Variants in COL4A1 observed in about 807,000 individuals in gnomAD.
COL4A1 encodes collagen alpha-1(IV) chain.
Under a neutral mutation model 216.6 loss-of-function variants are expected in COL4A1, and 40 were observed. The ratio of observed to expected loss-of-function variants is 0.18; its 90% CI spans 0.14 to 0.24. COL4A1 has a LOEUF of 0.24. Among genes scored for constraint, COL4A1 ranks in the 10% least tolerant of loss-of-function variants. The pLI is 1.00. For missense variants in COL4A1, 1,628 were observed against 2,196.8 expected, an observed-to-expected ratio of 0.74 and a Z score of 5.18; for synonymous variants, 839 against 810.7, an observed-to-expected ratio of 1.03 and a Z score of -0.59.
chr13:110,244,411 A>G (rs1043084058), intron 1 of COL4A1, among the ~76,000 whole-genome samples: 1 of 152,214 alleles, frequency 6.6e-6, no homozygotes, highest in East Asian at 1.9e-4. Flanking sequence ...CTACACTCTC[A>G]TAACCTCCTA....
At chr13:110,231,455 A>G (rs892979030) in intron 2 of COL4A1, among the ~76,000 whole-genome samples, 4 of 152,218 alleles carry the variant, frequency 2.6e-5, no homozygotes, top group Non-Finnish European at 1.5e-5. Flanking sequence ...GGGCCTGCGA[A>G]TGACCGTTCG....
chr13:110,191,652 G>A (rs1212741626), intron 24 of COL4A1: 4 of 687,670 alleles, frequency 5.8e-6, no homozygotes, highest in Non-Finnish European at 1.1e-5. Context: ...AAAAGCAACT[G>A]CACAATAGAT....
At position 110,176,404 on chromosome 13, in the gene COL4A1, C is replaced by G. The variant is rs1292994425; in HGVS notation, c.3058+20G>C. Reference sequence around the variant, plus strand: ...TCACACGCACACATGCTAAAGAATCCTCTTCTAAATCCAGTTTACCTGGCA... The same window carrying G: ...TCACACGCACACATGCTAAAGAATCGTCTTCTAAATCCAGTTTACCTGGCA... On this transcript the variant is annotated intron_variant, in intron 36 of 51. Transcript: ENST00000375820. 1 of 1,555,882 alleles carries G rather than the reference C, an allele frequency of 6.4e-7. No individual in the cohort carries two copies. Among genetic ancestry groups the G allele is most frequent in the Admixed American group, 1.7e-5 (1 of 59,956 alleles).
At chr13:110,242,827 T>C (rs989994376) in intron 1 of COL4A1, 93 bp from the exon 2 acceptor site, 4 of 1,372,210 alleles carry the variant, frequency 2.9e-6, no homozygotes, top group Non-Finnish European at 3.1e-6. Context: ...TTGACTTGTT[T>C]ATGAGCGAAG....
At chr13:110,252,610 T>C (rs1472714511) in intron 1 of COL4A1, among the ~76,000 whole-genome samples, 2 of 30,772 alleles carry the variant, frequency 6.5e-5, no homozygotes, top group African/African-American at 2.1e-4. Context: ...ATATGTATTA[T>C]ATATGTATAA....
intron 43 of COL4A1, among the ~76,000 whole-genome samples, chr13:110,167,912 C>T (rs150112721): frequency 0.015 from 2,230 of 152,038 alleles, 22 homozygotes; most frequent in Non-Finnish European, 0.022. Context: ...ATAACATGAA[C>T]AAATATATAT....
intron 50 of COL4A1, among the ~76,000 whole-genome samples, chr13:110,154,034 T>C (rs979777134): frequency 1.3e-5 from 2 of 152,218 alleles, no homozygotes; most frequent in Non-Finnish European, 2.9e-5. Context: ...GCCAATTTTT[T>C]CTACAATTGG....
intron 2 of COL4A1, among the ~76,000 whole-genome samples, chr13:110,215,560 C>CA (rs869160688): frequency 0.13 from 8,224 of 65,210 alleles, 292 homozygotes; most frequent in African/African-American, 0.16. Flanking sequence ...GACTCTGTCT[C>CA]AAAAAAAAAA....
intron 2 of COL4A1, among the ~76,000 whole-genome samples, chr13:110,215,780 A>G (rs1377332710): frequency 6.6e-6 from 1 of 152,226 alleles, no homozygotes; most frequent in Admixed American, 6.5e-5. Flanking sequence ...AGTTGAAAGT[A>G]AAAATCAACC....
At chr13:110,162,466 T>G in intron 47 of COL4A1, 24 bp from the exon 48 acceptor site, 1 of 1,544,346 alleles carries the variant, frequency 6.5e-7, no homozygotes, top group South Asian at 1.1e-5. Flanking sequence ...GACAAATTAG[T>G]TTCCCTAATT....
intron 2 of COL4A1, 121 bp from the exon 3 acceptor site, chr13:110,214,136 C>T (rs1347016131): frequency 4.6e-5 from 38 of 817,610 alleles, no homozygotes; most frequent in Non-Finnish European, 7.2e-5. Context: ...TTCTGTTGCC[C>T]AGGCTGGAGT....
intron 1 of COL4A1, among the ~76,000 whole-genome samples, chr13:110,274,935 A>G (rs1444505327): frequency 1.3e-5 from 2 of 152,182 alleles, no homozygotes; most frequent in Non-Finnish European, 2.9e-5. Flanking sequence ...CAAAAGCAAA[A>G]TATGCATTCT....
chr13:110,263,702 T>C (rs79735808), intron 1 of COL4A1, among the ~76,000 whole-genome samples: 4,725 of 152,318 alleles, frequency 0.031, 207 homozygotes, highest in East Asian at 0.23. Flanking sequence ...CTTGTATGGA[T>C]AGTAACAGTT....
At chr13:110,215,394 T>C (rs1880020094) in intron 2 of COL4A1, among the ~76,000 whole-genome samples, 1 of 152,132 alleles carries the variant, frequency 6.6e-6, no homozygotes, top group Non-Finnish European at 1.5e-5. Flanking sequence ...ACTCTTTCTC[T>C]ACTAAAAAAT....
intron 1 of COL4A1, among the ~76,000 whole-genome samples, chr13:110,281,844 A>G (rs1387827970): frequency 1.3e-5 from 2 of 152,216 alleles, no homozygotes. Flanking sequence ...CCCTTCAGAG[A>G]GTCGGCACAC....
At chr13:110,249,422 A>G (rs770230873) in intron 1 of COL4A1, among the ~76,000 whole-genome samples, 32 of 152,134 alleles carry the variant, frequency 2.1e-4, no homozygotes, top group Non-Finnish European at 3.8e-4. Context: ...AGGGACTGAG[A>G]AACGATGGGG....
intron 19 of COL4A1, 196 bp downstream of exon 19, chr13:110,201,242 G>GGAGGAGGAGGAGGAAGAGGAGAAA: frequency 1.8e-6 from 1 of 567,952 alleles, no homozygotes; most frequent in Non-Finnish European, 3.1e-6. Flanking sequence ...AGAGAGAGAA[G>GGAGGAGGAGGAGGAAGAGGAGAAA]GAGGAGGAGG....
At chr13:110,161,913 G>A (rs1233305548) in intron 48 of COL4A1, 3 of 419,580 alleles carry the variant, frequency 7.2e-6, no homozygotes, top group Non-Finnish European at 1.3e-5. Flanking sequence ...AAATTGTTAA[G>A]TGCACTCCAG....
chr13:110,186,597 C>A (rs771704958), intron 25 of COL4A1, 44 bp from the exon 26 acceptor site: 4 of 1,608,568 alleles, frequency 2.5e-6, no homozygotes, highest in Middle Eastern at 3.3e-4. Flanking sequence ...AGAGACACAC[C>A]AACACCCTGT....
Sources: gnomAD v4.1 joint callset for allele counts (sites outside exome capture counted in the v4.1 genomes callset) on GRCh38, gnomAD v4.1.1 for gene constraint, MANE v1.5 for transcripts, NCBI Gene and HGNC (gene_info 2026-07-23, HGNC 2026-07-21) for gene names.